Variants in ANKRD30BL observed in about 807,000 individuals in gnomAD.
The protein encoded by ANKRD30BL is putative ankyrin repeat domain-containing protein 30B-like.
Under a neutral mutation model 18.4 loss-of-function variants are expected in ANKRD30BL, and 20 were observed. That is an observed-to-expected ratio of 1.09 (90% confidence interval 0.77 to 1.58). The LOEUF (loss-of-function observed/expected upper bound fraction) is 1.58. ANKRD30BL is among the 40% of genes most tolerant of loss of function. The pLI, the probability that ANKRD30BL is intolerant of heterozygous loss-of-function variation, is 0.00. For missense variants in ANKRD30BL, 224 were observed against 268.6 expected, an observed-to-expected ratio of 0.83 and a Z score of 1.16; for synonymous variants, 72 against 100.9, an observed-to-expected ratio of 0.71 and a Z score of 1.72.
intron 1 of ANKRD30BL, among the ~76,000 whole-genome samples, chr2:132,173,301 CTTT>C (rs35866741): frequency 3.1e-5 from 4 of 129,408 alleles, no homozygotes; most frequent in Admixed American, 8.0e-5. Flanking sequence ...AATTTTGCTT[CTTT>C]TTTTTTTTTT....
At chr2:132,180,017 T>C (rs1439458066) in intron 1 of ANKRD30BL, among the ~76,000 whole-genome samples, 1 of 152,126 alleles carries the variant, frequency 6.6e-6, no homozygotes, top group Admixed American at 6.5e-5. Flanking sequence ...TACAGTAAGC[T>C]AAAGCTAATT....
intron 1 of ANKRD30BL, among the ~76,000 whole-genome samples, chr2:132,236,688 T>A (rs995017174): frequency 1.4e-4 from 22 of 152,148 alleles, no homozygotes; most frequent in Non-Finnish European, 1.5e-5. Context: ...GACTGTAAAC[T>A]AGTTCAACCA....
intron 1 of ANKRD30BL, among the ~76,000 whole-genome samples, chr2:132,243,232 A>G (rs754573489): frequency 9.2e-5 from 14 of 151,526 alleles, no homozygotes; most frequent in Non-Finnish European, 1.8e-4. Flanking sequence ...CTCACATAAC[A>G]AATAGGCAGA....
intron 1 of ANKRD30BL, among the ~76,000 whole-genome samples, chr2:132,171,685 G>C (rs1294030238): frequency 3.9e-5 from 6 of 152,118 alleles, no homozygotes; most frequent in African/African-American, 7.2e-5. Context: ...TTGGGAATAC[G>C]TATTTTTTCT....
In ANKRD30BL at chr2:132,151,998, AT is replaced by A. The variant is rs534685060; in HGVS notation, c.615-1023del. Among the ~76,000 whole-genome samples, 28 of 152,134 alleles carry A rather than the reference AT, an allele frequency of 1.8e-4. No individual in the cohort carries two copies. In the East Asian group the frequency reaches 3.5e-3, roughly 19 times the overall value. On this transcript the variant is annotated intron_variant, in intron 4 of 5. Coordinates refer to ENST00000409867, the MANE Select transcript of ANKRD30BL (RefSeq NM_001358416.1). Reference sequence around the variant, plus strand: ...CTGTGGAAGACAAAACCCTACCTTTATTTTTTGTAAGTTCCACAAAGAAGAT... The same window carrying A: ...CTGTGGAAGACAAAACCCTACCTTTATTTTTGTAAGTTCCACAAAGAAGAT...
chr2:132,181,611 T>A (rs13392167), intron 1 of ANKRD30BL, among the ~76,000 whole-genome samples: 81,192 of 152,016 alleles, frequency 0.53, 22,010 homozygotes, highest in African/African-American at 0.61. Flanking sequence ...TTTACATATG[T>A]AGCCTTCCAT....
intron 4 of ANKRD30BL, among the ~76,000 whole-genome samples, chr2:132,153,886 A>G (rs1687832336): frequency 6.6e-6 from 1 of 152,194 alleles, no homozygotes; most frequent in African/African-American, 2.4e-5. Flanking sequence ...GGGATATGGC[A>G]TAGTAGAATT....
intron 1 of ANKRD30BL, among the ~76,000 whole-genome samples, chr2:132,197,297 C>T (rs1005430413): frequency 1.3e-5 from 2 of 152,266 alleles, no homozygotes; most frequent in African/African-American, 4.8e-5. Flanking sequence ...CAAAGCAGTT[C>T]TTTAAAATTA....
intron 1 of ANKRD30BL, among the ~76,000 whole-genome samples, chr2:132,245,485 G>A (rs796088628): frequency 6.6e-6 from 1 of 151,142 alleles, no homozygotes; most frequent in African/African-American, 2.4e-5. Context: ...AAACTGCTTT[G>A]TGATGCTTGC....
chr2:132,238,191 T>C (rs1680213588), intron 1 of ANKRD30BL, among the ~76,000 whole-genome samples: 1 of 152,076 alleles, frequency 6.6e-6, no homozygotes, highest in Non-Finnish European at 1.5e-5. Context: ...CGTACTCAAC[T>C]CACAGAGTTA....
chr2:132,234,274 T>C (rs201469035), intron 1 of ANKRD30BL, among the ~76,000 whole-genome samples: 2 of 151,508 alleles, frequency 1.3e-5, no homozygotes, highest in African/African-American at 4.9e-5. Context: ...ACAATTAAAA[T>C]AACTAGAAAA....
intron 1 of ANKRD30BL, among the ~76,000 whole-genome samples, chr2:132,248,770 GT>G (rs1680571376): frequency 6.6e-6 from 1 of 151,914 alleles, no homozygotes; most frequent in East Asian, 1.9e-4. Flanking sequence ...ATTCTTTATA[GT>G]TTTTATTGAA....
intron 1 of ANKRD30BL, among the ~76,000 whole-genome samples, chr2:132,220,189 A>G (rs1679633048): frequency 1.3e-5 from 2 of 152,108 alleles, no homozygotes; most frequent in Non-Finnish European, 2.9e-5. Context: ...ATTAGGTAGA[A>G]GCATTCTCAG....
At chr2:132,189,918 C>A (rs1488827188) in intron 1 of ANKRD30BL, among the ~76,000 whole-genome samples, 1 of 152,130 alleles carries the variant, frequency 6.6e-6, no homozygotes, top group East Asian at 1.9e-4. Context: ...TTATATGTTA[C>A]AATCTTGGGT....
chr2:132,208,689 A>T (rs1458608924), intron 1 of ANKRD30BL, among the ~76,000 whole-genome samples: 10 of 151,504 alleles, frequency 6.6e-5, no homozygotes, highest in Admixed American at 6.6e-4. Flanking sequence ...AGATAAGTGT[A>T]TTCACTAAAG....
chr2:132,215,857 T>C (rs147629308), intron 1 of ANKRD30BL, among the ~76,000 whole-genome samples: 2 of 151,422 alleles, frequency 1.3e-5, no homozygotes, highest in Non-Finnish European at 3.0e-5. Context: ...AGGTGAAAAA[T>C]GAAATATCTT....
intron 1 of ANKRD30BL, among the ~76,000 whole-genome samples, chr2:132,200,361 T>C (rs901634254): frequency 1.6e-4 from 25 of 152,120 alleles, no homozygotes; most frequent in Non-Finnish European, 3.1e-4. Flanking sequence ...ATTGTCCCTG[T>C]TTGCAGATGA....
Position 132,229,264 on chromosome 2 carries a change from G to A in ANKRD30BL, n.441+28265C>T, listed in dbSNP as rs551704348. 3.6e-4 allele frequency among the ~76,000 whole-genome samples: 55 copies of A among 152,030 alleles called. 1 individual carries two copies. Among genetic ancestry groups the A allele is most frequent in the Admixed American group, 1.5e-3 (23 of 15,246 alleles). On this transcript the variant is annotated intron_variant and non_coding_transcript_variant, in intron 1 of 4. Coordinates refer to the ANKRD30BL transcript ENST00000470729. Reference sequence around the variant, plus strand: ...CCTTTCGAGTGCCTTCGGGTCTACCGTACAAAAGGAAATATCTTCACATAA... The same window carrying A: ...CCTTTCGAGTGCCTTCGGGTCTACCATACAAAAGGAAATATCTTCACATAA...
rs538690818 is a variant in ANKRD30BL at position 132,199,930 on chromosome 2, C to T, written n.442-42784G>A. On this transcript the variant is annotated intron_variant and non_coding_transcript_variant, in intron 1 of 4. Transcript: ENST00000470729. ...AATCCTCAATGAAATACTGGCAAAA[C>T]GAATCCAGCAGCACATCAAAAAGCT... is the stretch of plus-strand genomic sequence containing the variant. Among the ~76,000 whole-genome samples the T allele has an allele frequency of 1.6e-3, 236 of 152,154 alleles. 1 individual carries two copies. Among genetic ancestry groups the T allele is most frequent in the African/African-American group, 5.3e-3 (221 of 41,522 alleles).
Sources: allele counts gnomAD v4.1 joint callset (sites outside exome capture counted in the v4.1 genomes callset), GRCh38; gene constraint gnomAD v4.1.1; transcripts MANE v1.5; gene names NCBI Gene and HGNC (gene_info 2026-07-23, HGNC 2026-07-21).